Variants in LY86 observed in about 807,000 individuals in gnomAD.
The protein encoded by LY86 is MD-1, RP105-associated.
A neutral mutation model predicts 17.3 loss-of-function variants in LY86; 20 were observed. The ratio of observed to expected loss-of-function variants is 1.15; its 90% confidence interval spans 0.81 to 1.68. The LOEUF (loss-of-function observed/expected upper bound fraction) is 1.68, where lower values mean the gene tolerates loss of function less well. LY86 is among the 40% of genes most tolerant of loss of function. The pLI, the probability that LY86 is intolerant of heterozygous loss-of-function variation, is 0.00. For missense variants in LY86, 200 were observed against 191.9 expected (o/e 1.04, Z -0.25); for synonymous variants, 74 against 70.6 (o/e 1.05, Z -0.24).
intron 1 of LY86, among the ~76,000 whole-genome samples, chr6:6,615,116 A>C (rs1211672007): frequency 1.3e-5 from 2 of 152,202 alleles, no homozygotes; most frequent in Non-Finnish European, 2.9e-5. Flanking sequence ...TATATCAGGA[A>C]ATGAGCAAAA....
rs1468626659 is a variant in LY86, at chr6:6,603,609, A to ATC, written c.136+14739_136+14740insTC. ...CCAAAAACAAAAACAGAAACAGAAA[A>ATC]AAAAACAAACAAAAAAAAACAAAAC... On this transcript the variant is annotated intron_variant, in intron 1 of 4. Coordinates refer to ENST00000230568, the MANE Select transcript of LY86 (RefSeq NM_004271.4). Among the ~76,000 whole-genome samples, 4 of 107,396 alleles carry ATC rather than the reference A, an allele frequency of 3.7e-5. No homozygotes were observed. The East Asian group carries it at 1.1e-3, about 31-fold the overall frequency. The allele number at this position is 107,396 out of a possible 152,430, so 70.5% of individuals were successfully genotyped here.
chr6:6,599,360 C>A (rs1242963621), intron 1 of LY86, among the ~76,000 whole-genome samples: 1 of 152,206 alleles, frequency 6.6e-6, no homozygotes, highest in East Asian at 1.9e-4. Flanking sequence ...GCAGAAGAAA[C>A]TTGAGCACTT....
chr6:6,589,723 C>G (rs13437598), intron 1 of LY86, among the ~76,000 whole-genome samples: 1 of 152,134 alleles, frequency 6.6e-6, no homozygotes, highest in Admixed American at 6.5e-5. Context: ...GTGCTCTTCC[C>G]TCTGTGTACA....
intron 1 of LY86, among the ~76,000 whole-genome samples, chr6:6,590,965 G>C (rs563271898): frequency 8.6e-4 from 131 of 152,252 alleles, no homozygotes; most frequent in African/African-American, 3.0e-3. Flanking sequence ...AAAAGAGAAT[G>C]AACGACTGGA....
intron 4 of LY86, among the ~76,000 whole-genome samples, chr6:6,650,933 C>G (rs1762178660): frequency 6.6e-6 from 1 of 152,172 alleles, no homozygotes; most frequent in African/African-American, 2.4e-5. Flanking sequence ...TCCATGTGAT[C>G]ATGTTTTTTA....
chr6:6,591,459 T>C (rs371853653), intron 1 of LY86: 6 of 153,906 alleles, frequency 3.9e-5, no homozygotes, highest in Non-Finnish European at 7.3e-5. Flanking sequence ...AGTCAGACGA[T>C]GGTGAGGTTG....
chr6:6,645,922 C>A (rs1421800325), intron 3 of LY86, among the ~76,000 whole-genome samples: 4 of 152,110 alleles, frequency 2.6e-5, no homozygotes. Flanking sequence ...CTGATGAGTT[C>A]TGCTTCTCTT....
At chr6:6,612,144 G>C (rs112716093) in intron 1 of LY86, among the ~76,000 whole-genome samples, 2 of 150,648 alleles carry the variant, frequency 1.3e-5, no homozygotes, top group Non-Finnish European at 2.9e-5. Flanking sequence ...TCCTAAGATT[G>C]ATAGATGTGT....
intron 3 of LY86, among the ~76,000 whole-genome samples, chr6:6,642,457 C>T (rs1011701395): frequency 1.3e-5 from 2 of 152,178 alleles, no homozygotes. Context: ...TAAAAAGTTA[C>T]AATTAGGCCT....
intron 1 of LY86, among the ~76,000 whole-genome samples, chr6:6,595,377 G>A (rs1040764922): frequency 1.2e-5 from 1 of 86,340 alleles, no homozygotes; most frequent in Admixed American, 1.4e-4. Flanking sequence ...AGAAAGAAGA[G>A]AGGGGAGAAG....
intron 4 of LY86, among the ~76,000 whole-genome samples, chr6:6,650,419 C>T (rs995293366): frequency 6.6e-6 from 1 of 151,236 alleles, no homozygotes; most frequent in Non-Finnish European, 1.5e-5. Flanking sequence ...ACTGCAACCT[C>T]TGCCTCCCAG....
intron 1 of LY86, among the ~76,000 whole-genome samples, chr6:6,590,190 C>G (rs112642625): frequency 6.6e-6 from 1 of 151,450 alleles, no homozygotes; most frequent in Non-Finnish European, 1.5e-5. Context: ...GTAGTCCCCC[C>G]CCAGTCTGCT....
chr6:6,606,701 C>G (rs1243297651), intron 1 of LY86, among the ~76,000 whole-genome samples: 1 of 152,204 alleles, frequency 6.6e-6, no homozygotes, highest in East Asian at 1.9e-4. Context: ...CCGGGGCTTG[C>G]GGGCGGACCT....
intron 1 of LY86, among the ~76,000 whole-genome samples, chr6:6,599,365 G>T (rs1440887528): frequency 6.6e-6 from 1 of 152,212 alleles, no homozygotes; most frequent in Non-Finnish European, 1.5e-5. Context: ...AGAAACTTGA[G>T]CACTTTCCCT....
intron 1 of LY86, among the ~76,000 whole-genome samples, chr6:6,620,461 G>A (rs1315831770): frequency 2.6e-5 from 4 of 152,206 alleles, no homozygotes; most frequent in Non-Finnish European, 5.9e-5. Flanking sequence ...AGGGGGCGGA[G>A]CTACATCCAT....
At chr6:6,644,108 G>A (rs547049857) in intron 3 of LY86, among the ~76,000 whole-genome samples, 32 of 152,270 alleles carry the variant, frequency 2.1e-4, no homozygotes, top group Non-Finnish European at 4.0e-4. Context: ...TTGGGAAATC[G>A]GCAGGAATTC....
chr6:6,653,969 G>A lies in LY86; in HGVS notation c.406-575G>A, dbSNP rs75057837. On this transcript the variant is annotated intron_variant, in intron 4 of 4. Coordinates refer to ENST00000230568, the MANE Select transcript of LY86 (RefSeq NM_004271.4). Reference sequence around the variant, plus strand: ...AGCCAGAGGGATCTTACCGACACAGGCGCCAGGGCAGGCCACCCTCTCCTG... The same window carrying A: ...AGCCAGAGGGATCTTACCGACACAGACGCCAGGGCAGGCCACCCTCTCCTG... 4.6e-3 allele frequency among the ~76,000 whole-genome samples: 695 copies of A among 152,282 alleles called. 5 individuals are homozygous for A. Among genetic ancestry groups the A allele is most frequent in the African/African-American group, 0.016 (664 of 41,570 alleles).
chr6:6,604,392 G>A (rs559414372), intron 1 of LY86, among the ~76,000 whole-genome samples: 1 of 151,814 alleles, frequency 6.6e-6, no homozygotes, highest in African/African-American at 2.4e-5. Flanking sequence ...TAATCAGGGA[G>A]GTTTGAAAAT....
intron 1 of LY86, among the ~76,000 whole-genome samples, chr6:6,593,712 G>A (rs1213113139): frequency 6.6e-6 from 1 of 152,186 alleles, no homozygotes; most frequent in African/African-American, 2.4e-5. Context: ...TTTTTAAGAT[G>A]CTCAGCTTTT....
Sources: allele counts gnomAD v4.1 joint callset (sites outside exome capture counted in the v4.1 genomes callset), GRCh38; gene constraint gnomAD v4.1.1; transcripts MANE v1.5; gene names NCBI Gene and HGNC (gene_info 2026-07-23, HGNC 2026-07-21).